Variants in ACACA observed in about 807,000 individuals in gnomAD.
ACACA encodes acetyl-CoA carboxylase 1.
Under a neutral mutation model 296.1 loss-of-function variants are expected in ACACA, and 103 were observed. That is an observed-to-expected ratio of 0.35 (90% confidence interval 0.30 to 0.41). The LOEUF (loss-of-function observed/expected upper bound fraction) is 0.41. Among genes scored for constraint, ACACA ranks in the 10% least tolerant of loss-of-function variants. The pLI is 1.00. For synonymous variants in ACACA, 953 were observed against 1,038.6 expected (o/e 0.92, Z 1.58); for missense variants, 1,554 against 2,989.7 (o/e 0.52, Z 11.20).
chr17:37,174,727 T>A (rs1223108316), intron 41 of ACACA, among the ~76,000 whole-genome samples: 1 of 151,596 alleles, frequency 6.6e-6, no homozygotes, highest in Non-Finnish European at 1.5e-5. Context: ...GAGACAGGGT[T>A]TCACCATGTG....
At chr17:37,134,530 T>C (rs928609015) in intron 45 of ACACA, among the ~76,000 whole-genome samples, 1 of 152,230 alleles carries the variant, frequency 6.6e-6, no homozygotes, top group African/African-American at 2.4e-5. Context: ...TTGGGGACCC[T>C]TAGACTTATA....
intron 3 of ACACA, among the ~76,000 whole-genome samples, chr17:37,309,018 TTA>T (rs1458833082): frequency 6.6e-6 from 1 of 152,206 alleles, no homozygotes; most frequent in African/African-American, 2.4e-5. Flanking sequence ...AGTATTTATT[TTA>T]TGTTTTTATT....
At chr17:37,242,781 G>A (rs1327984609) in intron 22 of ACACA, among the ~76,000 whole-genome samples, 3 of 152,166 alleles carry the variant, frequency 2.0e-5, no homozygotes, top group South Asian at 4.1e-4. Flanking sequence ...GCTCACGCCT[G>A]TAATCCCAGC....
At chr17:37,297,546 T>TATATATAC (rs746487072) in intron 3 of ACACA, among the ~76,000 whole-genome samples, 49 of 150,236 alleles carry the variant, frequency 3.3e-4, no homozygotes, top group African/African-American at 1.1e-3. Context: ...TATATATATA[T>TATATATAC]ACACTTTTTT....
chr17:37,307,100 T>C (rs1218011277), intron 3 of ACACA, among the ~76,000 whole-genome samples: 1 of 152,258 alleles, frequency 6.6e-6, no homozygotes. Context: ...TTTTCATTTC[T>C]GTATGGTATT....
chr17:37,174,005 TATATATATATATA>T (rs1455749011), intron 41 of ACACA, among the ~76,000 whole-genome samples: 353 of 14,456 alleles, frequency 0.024, 37 homozygotes, highest in East Asian at 0.081. Flanking sequence ...TATATATATA[TATATATATATATA>T]TATTTTTTTT....
intron 1 of ACACA, among the ~76,000 whole-genome samples, chr17:37,342,436 A>AATAT (rs1295176626): frequency 0.029 from 1,703 of 58,136 alleles, 69 homozygotes; most frequent in East Asian, 0.15. Context: ...AAAAAAAAAA[A>AATAT]ATATATATAT....
At chr17:37,337,184 A>T (rs1185058019) in intron 2 of ACACA, among the ~76,000 whole-genome samples, 1 of 152,148 alleles carries the variant, frequency 6.6e-6, no homozygotes, top group Non-Finnish European at 1.5e-5. Context: ...AATTGGCAAG[A>T]CTGCTAAAAC....
At chr17:37,184,816 T>C (rs887595229) in intron 39 of ACACA, among the ~76,000 whole-genome samples, 1 of 145,582 alleles carries the variant, frequency 6.9e-6, no homozygotes, top group Non-Finnish European at 1.5e-5. Context: ...AATATTGCAC[T>C]CTAGCTTGGG....
intron 28 of ACACA, among the ~76,000 whole-genome samples, chr17:37,222,947 T>G (rs2079366482): frequency 1.3e-5 from 2 of 152,226 alleles, no homozygotes; most frequent in Non-Finnish European, 2.9e-5. Flanking sequence ...ACTTATTATC[T>G]ATGTGATTTT....
At chr17:37,150,469 G>A (rs2075990965) in intron 44 of ACACA, among the ~76,000 whole-genome samples, 1 of 152,006 alleles carries the variant, frequency 6.6e-6, no homozygotes, top group South Asian at 2.1e-4. Flanking sequence ...TTGAACCCAG[G>A]AGGCAGAGGT....
chr17:37,088,926 C>T lies in ACACA; in HGVS notation c.7028+12G>A, dbSNP rs758521987. 39 of 1,614,016 alleles carry T rather than the reference C, an allele frequency of 2.4e-5. No homozygotes were observed. Among genetic ancestry groups the T allele is most frequent in the African/African-American group, 2.4e-4 (18 of 74,924 alleles). ...CCTCCTTCTCTAGTGGAGTTCCCCA[C>T]GTTGGTCTCACCTGCGGATTTGCTT... On this transcript the variant is annotated intron_variant, in intron 55 of 55. Transcript: ENST00000616317.
intron 1 of ACACA, chr17:37,367,524 C>T (rs547633910): frequency 7.2e-4 from 109 of 152,198 alleles, no homozygotes; most frequent in African/African-American, 2.5e-3. Context: ...GAACTGACAC[C>T]TTTCTGAGCC....
chr17:37,325,626 T>C (rs1264975734), intron 3 of ACACA, among the ~76,000 whole-genome samples: 1 of 125,830 alleles, frequency 7.9e-6, no homozygotes, highest in Admixed American at 1.0e-4. Flanking sequence ...CAGGCTGGAG[T>C]GCAATGGCAT....
chr17:37,310,407 A>G (rs2084074981), intron 3 of ACACA, among the ~76,000 whole-genome samples: 1 of 152,226 alleles, frequency 6.6e-6, no homozygotes, highest in East Asian at 1.9e-4. Context: ...ATAGGTGAAC[A>G]TAACAAGTGA....
At chr17:37,400,522 C>A (rs1429713384) in intron 1 of ACACA, among the ~76,000 whole-genome samples, 1 of 152,126 alleles carries the variant, frequency 6.6e-6, no homozygotes, top group East Asian at 1.9e-4. Flanking sequence ...CCAAAATCTT[C>A]CAATTCTTTC....
chr17:37,228,665 C>T (rs2079670187), intron 25 of ACACA, among the ~76,000 whole-genome samples: 2 of 152,070 alleles, frequency 1.3e-5, no homozygotes, highest in South Asian at 2.1e-4. Context: ...CTACCTAAGT[C>T]CCTTTCCTAA....
chr17:37,285,106 T>C (rs1049932881), intron 3 of ACACA, 136 bp from the exon 4 acceptor site: 28 of 975,462 alleles, frequency 2.9e-5, no homozygotes, highest in Admixed American at 4.7e-5. Flanking sequence ...ACTTTTCAAA[T>C]AAAAGAGAGA....
chr17:37,141,402 A>G, intron 45 of ACACA: 1 of 328,236 alleles, frequency 3.0e-6, no homozygotes, highest in Non-Finnish European at 5.9e-6. Context: ...ACGGTTCCCC[A>G]TCTCAGGCAC....
Sources: gnomAD v4.1 joint callset for allele counts (sites outside exome capture counted in the v4.1 genomes callset) on GRCh38, gnomAD v4.1.1 for gene constraint, MANE v1.5 for transcripts, NCBI Gene and HGNC (gene_info 2026-07-23, HGNC 2026-07-21) for gene names.